The following PTDSS2 variants were observed in gnomAD, a reference collection of about 807,000 sequenced individuals.
PTDSS2 encodes the protein PSS-2.
PTDSS2 carries 41 observed loss-of-function variants against 64.7 expected under a neutral mutation model. That is an observed-to-expected ratio of 0.63 (90% CI 0.49 to 0.82). The LOEUF is 0.82. Ranked by LOEUF, PTDSS2 falls within the 40% of genes least tolerant of loss-of-function variation. PTDSS2 has a pLI of 0.00. For missense variants in PTDSS2, 485 were observed against 650.0 expected, an observed-to-expected ratio of 0.75 and a Z score of 2.76; for synonymous variants, 297 against 277.8, an observed-to-expected ratio of 1.07 and a Z score of -0.69.
chr11:476,469 C>CA lies in PTDSS2; in HGVS notation c.367+2494dup, dbSNP rs1847808635. Among the ~76,000 whole-genome samples the CA allele has an allele frequency of 6.6e-6, 1 of 152,186 alleles. No homozygotes were observed. Among genetic ancestry groups the CA allele is most frequent in the Non-Finnish European group, 1.5e-5 (1 of 68,038 alleles). The stretch of plus-strand genomic sequence containing the variant: ...GAGGGAAGAAAAGCTGCCGGAAGCT[C>CA]AACCCATGGCCGTCCTTGCTTGGAG... On this transcript the variant is annotated intron_variant, in intron 3 of 11. Transcript: ENST00000308020. This position sits in a 1 kb window ranked among gnomAD's most constrained non-coding sequence, Gnocchi z 4.9.
chr11:488,712 G>T, intron 8 of PTDSS2, 65 bp downstream of exon 8: 1 of 1,216,814 alleles, frequency 8.2e-7, no homozygotes, highest in South Asian at 1.2e-5. Context: ...CTCAGCGTCC[G>T]TGCTCCAGCA....
intron 2 of PTDSS2, among the ~76,000 whole-genome samples, chr11:466,987 C>G (rs1236611103): frequency 6.6e-6 from 1 of 152,006 alleles, no homozygotes; most frequent in Non-Finnish European, 1.5e-5. Context: ...CCCGGGAGGT[C>G]AAGGCTGCAG....
chr11:459,109 G>A lies in PTDSS2; in HGVS notation c.183-1078G>A, dbSNP rs551456449. 190 of 112,450 alleles carry A rather than the reference G, an allele frequency of 1.7e-3. 7 individuals are homozygous for A. The highest frequency in any genetic ancestry group is 6.2e-3 in the African/African-American group (177 of 28,342). 7.0% of individuals were successfully genotyped at this position (112,450 alleles called of 1,614,324 possible). On this transcript the variant is annotated intron_variant, in intron 1 of 11. Transcript: ENST00000308020. ...TTAGACGTGAGGGGACACTCCGGTG[G>A]ATGTCGGACCTGGGTTAGACGTGAG...
chr11:467,986 C>A (rs1847217181), intron 2 of PTDSS2, among the ~76,000 whole-genome samples: 1 of 151,916 alleles, frequency 6.6e-6, no homozygotes, highest in South Asian at 2.1e-4. Context: ...AACTAAAAAA[C>A]TTAGCCGAGT....
chr11:453,531 G>C (rs1003331816), intron 1 of PTDSS2, among the ~76,000 whole-genome samples: 1 of 152,224 alleles, frequency 6.6e-6, no homozygotes, highest in Non-Finnish European at 1.5e-5. Context: ...CTTTATGTGT[G>C]AGGTGACCTC....
chr11:490,041 C>G lies in PTDSS2; in HGVS notation c.1274C>G (p.Thr425Ser), dbSNP rs1160476479. The change falls in exon 11 of 12, where the codon ACC (threonine) becomes AGC (serine). Residue 425 changes from threonine to serine, a missense_variant. By Grantham distance (58) the Thr-to-Ser change is moderately conservative (BLOSUM62 1). Transcript: ENST00000308020. ...CWTLGSVLAL[T>S]WTVWRFFLRD... ...ACCCTCGGCTCCGTCCTGGCGCTCA[C>G]CTGGACCGTCTGGCGCTTCTTCCTG... 1 of 1,609,950 alleles carries G rather than the reference C, an allele frequency of 6.2e-7. No individual in the cohort carries two copies. Among genetic ancestry groups the G allele is most frequent in the Non-Finnish European group, 8.5e-7 (1 of 1,179,924 alleles).
chr11:450,351 C>T lies in PTDSS2; in HGVS notation c.-105C>T, dbSNP rs371699447. ...AAGACCCCGCGGGCCAGCGCCGCGACCCCTTCCCAGCGCTCCTCGCGCTGT... is the reference window on the plus strand; with the variant it reads ...AAGACCCCGCGGGCCAGCGCCGCGATCCCTTCCCAGCGCTCCTCGCGCTGT... On this transcript the variant is annotated 5_prime_UTR_variant, in exon 1 of 12. Coordinates refer to ENST00000308020, the MANE Select transcript of PTDSS2 (RefSeq NM_030783.3). The T allele has an allele frequency of 4.8e-6, 5 of 1,048,876 alleles. No homozygotes were observed. The Admixed American group carries it at 1.3e-4, about 28-fold the overall frequency. The allele number at this position is 1,048,876 out of a possible 1,614,324, so 65.0% of individuals were successfully genotyped here. A position where few individuals can be genotyped will look rare whatever the true frequency, so the allele number is the denominator to read the frequency against.
rs775270510 is a variant in PTDSS2 at position 488,556 on chromosome 11, G to A, written c.763G>A (p.Gly255Arg). 9 of 1,613,416 alleles carry A rather than the reference G, an allele frequency of 5.6e-6. No homozygotes were observed. The highest frequency in any genetic ancestry group is 2.2e-5 in the East Asian group (1 of 44,890). The change falls in exon 8 of 12, where the codon GGG (glycine) becomes AGG (arginine). Residue 255 changes from glycine to arginine, a missense_variant. This residue lies in a region of PTDSS2 where 251 missense variants were observed against 348.0 expected (regional missense o/e 0.72). Transcript: ENST00000308020. ...GATCATGGACGTGCTCGTCTGCAACGGGCTGGGCATCTACTGCGGCATGAA... is the reference window on the plus strand; with the variant it reads ...GATCATGGACGTGCTCGTCTGCAACAGGCTGGGCATCTACTGCGGCATGAA... ...HWIMDVLVCN[G>R]LGIYCGMKTL...
At chr11:485,077 G>A (rs1176041649) in intron 4 of PTDSS2, among the ~76,000 whole-genome samples, 1 of 96,558 alleles carries the variant, frequency 1.0e-5, no homozygotes, top group Non-Finnish European at 2.1e-5. Context: ...GCACGGGCAC[G>A]TGTGCTTACT....
rs201233818 is a variant in PTDSS2 at position 479,108 on chromosome 11, G to A, written c.391G>A (p.Val131Met). Residue 131 changes from valine (V) to methionine (M), a missense_variant, in exon 4 of 12, where the codon GTG becomes ATG. Val to Met is a conservative substitution (Grantham distance 21). Around this residue, in one of 3 missense-constraint regions of PTDSS2, gnomAD observed 251 missense variants for 348.0 expected, o/e 0.72. Transcript: ENST00000308020. The surrounding 1 kb of genome is among the most constrained non-coding windows in gnomAD (Gnocchi z 4.2). ...AGCTTACTGGAGGTTTTGGCTCTGCGTGAGTGTGGTCTACGAGCTGTTTCT... is the reference window on the plus strand; with the variant it reads ...AGCTTACTGGAGGTTTTGGCTCTGCATGAGTGTGGTCTACGAGCTGTTTCT... ...HPAYWRFWLC[V>M]SVVYELFLIF... The A allele has an allele frequency of 2.9e-5, 47 of 1,614,090 alleles. No individual in the cohort carries two copies. Among genetic ancestry groups the A allele is most frequent in the East Asian group, 2.2e-4 (10 of 44,896 alleles).
chr11:459,528 G>A (rs1366361473), intron 1 of PTDSS2: 1 of 152,938 alleles, frequency 6.5e-6, no homozygotes, highest in Non-Finnish European at 1.5e-5. Flanking sequence ...TCTCAGGCGA[G>A]TGTCTGGCAC....
At chr11:490,233 C>T (rs1468529489) in intron 11 of PTDSS2, among the ~76,000 whole-genome samples, 165 bp downstream of exon 11, 3 of 152,206 alleles carry the variant, frequency 2.0e-5, no homozygotes, top group East Asian at 1.9e-4. Context: ...TCGGGGCCTT[C>T]GCTCTGCACT....
At chr11:458,442 T>C (rs1184191860) in intron 1 of PTDSS2, among the ~76,000 whole-genome samples, 2 of 151,394 alleles carry the variant, frequency 1.3e-5, no homozygotes, top group African/African-American at 2.4e-5. Flanking sequence ...CCTGACCTCG[T>C]GATCCGCCCG....
rs980035063 is a variant in PTDSS2 at position 450,545 on chromosome 11, C to T, written c.90C>T (p.Asp30=). Residue 30 remains aspartate (D), a synonymous_variant, in exon 1 of 12, where the codon GAC becomes GAT. Coordinates refer to ENST00000308020, the MANE Select transcript of PTDSS2 (RefSeq NM_030783.3). ...AGRASLEEPP[D]GPSAGQATGP... is the part of the protein sequence containing the mutation. ...GGGCCTCGCTGGAGGAGCCGCCTGA[C>T]GGGCCGTCTGCCGGCCAAGCCACCG... The T allele has an allele frequency of 1.3e-5, 16 of 1,242,134 alleles. No homozygotes were observed. Among genetic ancestry groups the T allele is most frequent in the African/African-American group, 4.7e-5 (3 of 64,206 alleles). The allele number at this position is 1,242,134 out of a possible 1,614,324, so 76.9% of individuals were successfully genotyped here.
intron 2 of PTDSS2, among the ~76,000 whole-genome samples, chr11:466,113 C>T (rs1178309026): frequency 6.6e-6 from 1 of 152,126 alleles, no homozygotes; most frequent in African/African-American, 2.4e-5. Context: ...GTGGCTCACA[C>T]TTGTAATCCC....
rs765115709 is a variant in PTDSS2, at chr11:490,584, C to G, written c.*2C>G. On this transcript the variant is annotated 3_prime_UTR_variant, in exon 12 of 12. Transcript: ENST00000308020. ...GAGGGAGCACCAACTCCAAACTGAC[C>G]TGGGCCGTGGCTGCCTCGTGAGCCT... The G allele has an allele frequency of 1.0e-5, 16 of 1,583,662 alleles. No individual in the cohort carries two copies. The highest frequency in any genetic ancestry group is 1.2e-5 in the Non-Finnish European group (14 of 1,165,390).
At chr11:481,440 G>A (rs1250427271) in intron 4 of PTDSS2, among the ~76,000 whole-genome samples, 1 of 152,208 alleles carries the variant, frequency 6.6e-6, no homozygotes, top group Non-Finnish European at 1.5e-5. Flanking sequence ...GTCTGTTTTG[G>A]GAGTAGTGTC....
Position 450,353 on chromosome 11 carries a change from C to T in PTDSS2, c.-103C>T, listed in dbSNP as rs1208450726. 1.9e-6 allele frequency: 2 copies of T among 1,065,210 alleles called. No individual in the cohort carries two copies. Among genetic ancestry groups the T allele is most frequent in the African/African-American group, 1.6e-5 (1 of 60,702 alleles). The allele number at this position is 1,065,210 out of a possible 1,614,324, so 66.0% of individuals were successfully genotyped here. A position where few individuals can be genotyped will look rare whatever the true frequency, so the allele number is the denominator to read the frequency against. Reference sequence around the variant, plus strand: ...GACCCCGCGGGCCAGCGCCGCGACCCCTTCCCAGCGCTCCTCGCGCTGTGT... The same window carrying T: ...GACCCCGCGGGCCAGCGCCGCGACCTCTTCCCAGCGCTCCTCGCGCTGTGT... On this transcript the variant is annotated 5_prime_UTR_variant, in exon 1 of 12. Transcript: ENST00000308020.
chr11:477,935 G>A (rs140268323), intron 3 of PTDSS2, among the ~76,000 whole-genome samples: 2 of 152,220 alleles, frequency 1.3e-5, no homozygotes, highest in Non-Finnish European at 2.9e-5. Flanking sequence ...TCCTAAGAAC[G>A]CCAGGGCGTT....
Sources: allele counts gnomAD v4.1 joint callset (sites outside exome capture counted in the v4.1 genomes callset), GRCh38; gene constraint gnomAD v4.1.1; regional missense constraint gnomAD v4.1.1; non-coding constraint Gnocchi (gnomAD v3.1); transcripts MANE v1.5; gene names NCBI Gene and HGNC (gene_info 2026-07-23, HGNC 2026-07-21).